ANKFY1: variants seen among roughly 807,000 people sequenced by gnomAD.
The protein encoded by ANKFY1 is ankyrin repeat and FYVE domain-containing protein 1.
Under a neutral mutation model 128.3 loss-of-function variants are expected in ANKFY1, and 47 were observed. The ratio of observed to expected loss-of-function variants is 0.37; its 90% CI spans 0.29 to 0.47. The LOEUF (loss-of-function observed/expected upper bound fraction) is 0.47, where lower values mean the gene tolerates loss of function less well. ANKFY1 is among the 20% of genes least tolerant of loss of function. ANKFY1 has a pLI of 1.00. For synonymous variants in ANKFY1, 553 were observed against 601.6 expected, an observed-to-expected ratio of 0.92 and a Z score of 1.18; for missense variants, 1,222 against 1,510.6, an observed-to-expected ratio of 0.81 and a Z score of 3.17.
In ANKFY1 at chr17:4,251,743, A is replaced by G. The variant is rs188594259; in HGVS notation, c.11-9295T>C. 6.4e-4 allele frequency among the ~76,000 whole-genome samples: 97 copies of G among 152,224 alleles called. 1 individual carries two copies. The highest frequency in any genetic ancestry group is 2.2e-3 in the African/African-American group (93 of 41,568). ...CACAGACTGGGAGAAAATATGTGCAAAACATCCAACAAAAAACGCCTCATT... is the reference window on the plus strand; with the variant it reads ...CACAGACTGGGAGAAAATATGTGCAGAACATCCAACAAAAAACGCCTCATT... On this transcript the variant is annotated intron_variant, in intron 1 of 24. Coordinates refer to ENST00000341657, the MANE Select transcript of ANKFY1 (RefSeq NM_001330063.2).
intron 7 of ANKFY1, among the ~76,000 whole-genome samples, chr17:4,202,754 A>G (rs1358743328): frequency 6.6e-6 from 1 of 150,844 alleles, no homozygotes; most frequent in African/African-American, 2.4e-5. Context: ...AAGAAAAGAT[A>G]GGTTAATGAA....
chr17:4,182,234 G>T lies in ANKFY1; in HGVS notation c.2068C>A (p.Pro690Thr), dbSNP rs2059529175. ...TTTGCCAATGCAAGCCACAGCGGGGGGTTCCCCTTCTCATCTGGCACAGAC... is the reference window on the plus strand; with the variant it reads ...TTTGCCAATGCAAGCCACAGCGGGGTGTTCCCCTTCTCATCTGGCACAGAC... ...DMSVPDEKGN[P>T]PLWLALANNL... The change falls in exon 15 of 25, where the codon CCC (proline) becomes ACC (threonine). Residue 690 changes from proline to threonine, a missense_variant. Physicochemically the swap from Pro to Thr is conservative, Grantham distance 38 (BLOSUM62 -1). Transcript: ENST00000341657. 6.3e-7 allele frequency: 1 copy of T among 1,583,568 alleles called. No homozygotes were observed. Among genetic ancestry groups the T allele is most frequent in the Non-Finnish European group, 8.6e-7 (1 of 1,162,742 alleles).
rs145425516 is a variant in ANKFY1 at position 4,261,367 on chromosome 17, C to G, written c.10+2565G>C. On this transcript the variant is annotated intron_variant, in intron 1 of 24. Coordinates refer to ENST00000341657, the MANE Select transcript of ANKFY1 (RefSeq NM_001330063.2). ...TGATGGCGGGTGCCTGTAATCCCAG[C>G]TACTTGGGATGCTGAGGTGGAAGAA... Among the ~76,000 whole-genome samples, 1,373 of 152,282 alleles carry G rather than the reference C, an allele frequency of 9.0e-3. 24 individuals are homozygous for G. The highest frequency in any genetic ancestry group is 0.032 in the African/African-American group (1,313 of 41,548).
intron 3 of ANKFY1, among the ~76,000 whole-genome samples, chr17:4,229,753 G>C (rs2060483393): frequency 6.6e-6 from 1 of 152,218 alleles, no homozygotes; most frequent in Admixed American, 6.5e-5. Flanking sequence ...AGGCCACAAG[G>C]CTGTTTGAGT....
chr17:4,209,951 T>C lies in ANKFY1; in HGVS notation c.459-4A>G, dbSNP rs993480842. 6.2e-7 allele frequency: 1 copy of C among 1,607,558 alleles called. No homozygotes were observed. Among genetic ancestry groups the C allele is most frequent in the Non-Finnish European group, 8.5e-7 (1 of 1,174,746 alleles). Reference sequence around the variant, plus strand: ...AGACATAACACCCTTCTCACATCTGTAAGAGAGTATTCATCATGAGGAGTA... The same window carrying C: ...AGACATAACACCCTTCTCACATCTGCAAGAGAGTATTCATCATGAGGAGTA... On this transcript the variant is annotated splice_region_variant and splice_polypyrimidine_tract_variant and intron_variant, in intron 4 of 24. Transcript: ENST00000341657.
chr17:4,226,849 A>T (rs2143175831), intron 3 of ANKFY1, among the ~76,000 whole-genome samples: 1 of 152,274 alleles, frequency 6.6e-6, no homozygotes, highest in East Asian at 1.9e-4. Flanking sequence ...AAACTTCTAT[A>T]GACTTATCAA....
chr17:4,188,254 G>A (rs774640127), intron 11 of ANKFY1: 1 of 152,470 alleles, frequency 6.6e-6, no homozygotes, highest in African/African-American at 2.4e-5. Context: ...TGGCTGGAGA[G>A]TTGGCTGTGT....
chr17:4,199,966 G>C (rs941016064), intron 7 of ANKFY1, among the ~76,000 whole-genome samples: 1 of 152,168 alleles, frequency 6.6e-6, no homozygotes, highest in African/African-American at 2.4e-5. Context: ...CTGTTACAAA[G>C]GCTTGGGGCA....
intron 22 of ANKFY1, 95 bp from the exon 23 acceptor site, chr17:4,170,956 C>A (rs548994522): frequency 6.4e-7 from 1 of 1,568,114 alleles, no homozygotes; most frequent in Non-Finnish European, 8.7e-7. Flanking sequence ...CAGAACAGAC[C>A]GCTGGCAGGA....
intron 7 of ANKFY1, among the ~76,000 whole-genome samples, chr17:4,205,279 AT>A (rs778517879): frequency 9.2e-5 from 14 of 152,168 alleles, no homozygotes; most frequent in South Asian, 2.1e-4. Context: ...GAAAGCTTTC[AT>A]TTCTCACTGG....
intron 3 of ANKFY1, chr17:4,222,659 G>A: frequency 1.1e-6 from 1 of 923,650 alleles, no homozygotes; most frequent in South Asian, 1.3e-5. Flanking sequence ...AGGAAAATGT[G>A]CACCAAAAAT....
At position 4,172,613 on chromosome 17, in the gene ANKFY1, A is replaced by G. The variant is rs532708045; in HGVS notation, c.3082T>C (p.Phe1028Leu). The G allele has an allele frequency of 3.7e-6, 6 of 1,614,100 alleles. No homozygotes were observed. Among genetic ancestry groups the G allele is most frequent in the East Asian group, 2.2e-5 (1 of 44,888 alleles). Residue 1028 changes from phenylalanine to leucine, a missense_variant, in exon 22 of 25, where the codon TTC (phenylalanine) becomes CTC (leucine). Phe to Leu is a conservative substitution (Grantham distance 22, BLOSUM62 0). Coordinates refer to ENST00000341657, the MANE Select transcript of ANKFY1 (RefSeq NM_001330063.2). ...KENAAAIFDLFLECMPGYPLD... is the reference protein window; with the variant it reads ...KENAAAIFDLLLECMPGYPLD... ...GGATACCCCGGCATGCATTCTAGGA[A>G]GAGATCAAAGATGGCCGCTGCATTC...
At chr17:4,233,421 C>T (rs527404685) in intron 3 of ANKFY1, among the ~76,000 whole-genome samples, 1 of 151,892 alleles carries the variant, frequency 6.6e-6, no homozygotes, top group Non-Finnish European at 1.5e-5. Flanking sequence ...TGGTACCCTC[C>T]CAGTAAAAAA....
intron 3 of ANKFY1, among the ~76,000 whole-genome samples, chr17:4,224,227 T>G (rs1174834492): frequency 6.7e-5 from 9 of 133,750 alleles, no homozygotes; most frequent in Non-Finnish European, 1.1e-4. Flanking sequence ...TTTTTTTTTT[T>G]TTTTTTTTTT....
rs1465171028 is a variant in ANKFY1, at chr17:4,167,430, T to C, written c.*349A>G. ...AGGCGGGAAGACTTCATGAATGCTC[T>C]GGGATGGACACCAAGCTACTGGAAG... On this transcript the variant is annotated 3_prime_UTR_variant, in exon 25 of 25. Coordinates refer to ENST00000341657, the MANE Select transcript of ANKFY1 (RefSeq NM_001330063.2). The surrounding 1 kb of genome is among the most constrained non-coding windows in gnomAD (Gnocchi z 4.1). The C allele has an allele frequency of 5.7e-6, 1 of 174,810 alleles. No individual in the cohort carries two copies. The highest frequency in any genetic ancestry group is 2.4e-5 in the African/African-American group (1 of 42,366). The allele number at this position is 174,810 out of a possible 1,614,324, so 10.8% of individuals were successfully genotyped here.
chr17:4,169,515 C>T lies in ANKFY1; in HGVS notation c.3287-227G>A, dbSNP rs1036866841. Reference sequence around the variant, plus strand: ...TTGGGGAGAAGGAAACGGTGGTCAACGAGGTGAACCAGTGTGATGTCTGTG... The same window carrying T: ...TTGGGGAGAAGGAAACGGTGGTCAATGAGGTGAACCAGTGTGATGTCTGTG... On this transcript the variant is annotated intron_variant, in intron 23 of 24. Transcript: ENST00000341657. This position sits in a 1 kb window ranked among gnomAD's most constrained non-coding sequence, Gnocchi z 5.0. Among the ~76,000 whole-genome samples the T allele has an allele frequency of 6.6e-6, 1 of 152,142 alleles. No homozygotes were observed. Among genetic ancestry groups the T allele is most frequent in the Non-Finnish European group, 1.5e-5 (1 of 68,014 alleles).
chr17:4,218,362 GAACA>G (rs1288129836), intron 3 of ANKFY1, among the ~76,000 whole-genome samples: 5 of 152,136 alleles, frequency 3.3e-5, no homozygotes, highest in Admixed American at 2.6e-4. Flanking sequence ...CATACACACT[GAACA>G]AATGCAATGA....
intron 1 of ANKFY1, among the ~76,000 whole-genome samples, chr17:4,243,006 T>G (rs1567973471): frequency 6.6e-6 from 1 of 152,220 alleles, no homozygotes; most frequent in Non-Finnish European, 1.5e-5. Context: ...TTTTCACATG[T>G]TCTTCTAAAT....
intron 19 of ANKFY1, among the ~76,000 whole-genome samples, 190 bp downstream of exon 19, chr17:4,176,936 C>T (rs757278369): frequency 6.6e-6 from 1 of 152,198 alleles, no homozygotes; most frequent in East Asian, 1.9e-4. Context: ...TCTGGCAGCC[C>T]ACGCAGCCCA....
Sources: allele counts gnomAD v4.1 joint callset (sites outside exome capture counted in the v4.1 genomes callset), GRCh38; gene constraint gnomAD v4.1.1; non-coding constraint Gnocchi (gnomAD v3.1); transcripts MANE v1.5; gene names NCBI Gene and HGNC (gene_info 2026-07-23, HGNC 2026-07-21).